The following CDK12 variants were observed in gnomAD, a reference collection of about 807,000 sequenced individuals.
CDK12 encodes the protein cyclin dependent kinase 12, also known as cyclin-dependent kinase 12.
In CDK12, 17 loss-of-function variants were observed where a neutral mutation model predicts 133.8. That is an observed-to-expected ratio of 0.13 (90% confidence interval 0.09 to 0.19). The LOEUF (loss-of-function observed/expected upper bound fraction) is 0.19, where lower values mean the gene tolerates loss of function less well. Ranked by LOEUF, CDK12 falls within the 10% of genes least tolerant of loss-of-function variation. CDK12 has a pLI of 1.00. For missense variants in CDK12, 1,508 were observed against 1,818.7 expected, an observed-to-expected ratio of 0.83 and a Z score of 3.11; for synonymous variants, 694 against 683.6, an observed-to-expected ratio of 1.02 and a Z score of -0.24.
At chr17:39,499,357 C>T (rs1187412743) in intron 5 of CDK12, among the ~76,000 whole-genome samples, 7 of 148,522 alleles carry the variant, frequency 4.7e-5, no homozygotes, top group South Asian at 2.1e-4. Context: ...TACAGGTGCA[C>T]GCCACCACGT....
chr17:39,470,348 G>C (rs531985507), intron 1 of CDK12, among the ~76,000 whole-genome samples: 10 of 151,816 alleles, frequency 6.6e-5, no homozygotes, highest in Non-Finnish European at 1.3e-4. Context: ...GTCTCGATCT[G>C]CTGACCTGGT....
downstream of CDK12, among the ~76,000 whole-genome samples, chr17:39,566,026 T>G (rs2056562894): frequency 6.6e-6 from 1 of 152,196 alleles, no homozygotes; most frequent in South Asian, 2.1e-4. Context: ...CTCCTTACTC[T>G]CCTGTGATCC....
intron 2 of CDK12, among the ~76,000 whole-genome samples, chr17:39,474,609 C>A (rs1048436207): frequency 1.6e-4 from 24 of 152,226 alleles, no homozygotes; most frequent in Admixed American, 9.8e-4. Context: ...ACCACCACTC[C>A]CGGCCAATAT....
rs34077108 is a variant in CDK12 at position 39,479,308 on chromosome 17, G to GAA, written c.1931+7565_1931+7566dup. 5.3e-3 allele frequency among the ~76,000 whole-genome samples: 534 copies of GAA among 100,188 alleles called. 3 individuals are homozygous for GAA. The highest frequency in any genetic ancestry group is 8.0e-3 in the Admixed American group (62 of 7,798). 65.7% of individuals were successfully genotyped at this position (100,188 alleles called of 152,430 possible). ...GGGCGACAAGAGCGAGACTCCGTCT[G>GAA]AAAAAAAAAAAAAAAAAAAAATCTA... On this transcript the variant is annotated intron_variant, in intron 2 of 13. Coordinates refer to ENST00000447079, the MANE Select transcript of CDK12 (RefSeq NM_016507.4).
intron 5 of CDK12, among the ~76,000 whole-genome samples, chr17:39,500,936 A>G (rs745877060): frequency 2.0e-5 from 3 of 151,506 alleles, no homozygotes; most frequent in Admixed American, 1.3e-4. Context: ...TTCATTCACC[A>G]TGTTGGACAG....
rs777845846 is a variant in CDK12 at position 39,532,395 on chromosome 17, G to A, written c.*1079G>A. 2.0e-4 allele frequency: 47 copies of A among 232,920 alleles called. No homozygotes were observed. Among genetic ancestry groups the A allele is most frequent in the South Asian group, 3.6e-4 (2 of 5,520 alleles). The allele number at this position is 232,920 out of a possible 1,614,324, so 14.4% of individuals were successfully genotyped here. A position where few individuals can be genotyped will look rare whatever the true frequency, so the allele number is the denominator to read the frequency against. On this transcript the variant is annotated 3_prime_UTR_variant, in exon 14 of 14. Coordinates refer to ENST00000447079, the MANE Select transcript of CDK12 (RefSeq NM_016507.4). ...TTGCTGCTGAGCTGTGGTTAGAGATGATGCCTCCATTCCTAGAGGGCTAAT... is the reference window on the plus strand; with the variant it reads ...TTGCTGCTGAGCTGTGGTTAGAGATAATGCCTCCATTCCTAGAGGGCTAAT...
rs753511772 is a variant in CDK12, at chr17:39,471,481, C to G, written c.1649C>G (p.Pro550Arg). The G allele has an allele frequency of 6.2e-7, 1 of 1,613,856 alleles. No homozygotes were observed. The change falls in exon 2 of 14, where the codon CCT becomes CGT. Residue 550 changes from proline (P) to arginine (R), a missense_variant. This residue lies in a region of CDK12 where 347 missense variants were observed against 330.8 expected (regional missense o/e 1.05). Coordinates refer to ENST00000447079, the MANE Select transcript of CDK12 (RefSeq NM_016507.4). Reference protein sequence around the residue: ...PTTTPPPQTPPLPPLPPIPAL... With the variant: ...PTTTPPPQTPRLPPLPPIPAL... ...ACTACCCCTCCACCTCAGACACCCCCTTTGCCACCTTTGCCTCCAATACCA... is the reference window on the plus strand; with the variant it reads ...ACTACCCCTCCACCTCAGACACCCCGTTTGCCACCTTTGCCTCCAATACCA...
At chr17:39,559,340 C>T (rs992618368) in intron 3 of CDK12, among the ~76,000 whole-genome samples, 2 of 152,134 alleles carry the variant, frequency 1.3e-5, no homozygotes, top group African/African-American at 4.8e-5. Flanking sequence ...TCTAGTTTTA[C>T]GTGTTCTCAT....
At chr17:39,481,631 GCGCTCTCTCTCTCTCTCTCT>G (rs2050669168) in intron 2 of CDK12, among the ~76,000 whole-genome samples, 6 of 34,276 alleles carry the variant, frequency 1.8e-4, no homozygotes, top group African/African-American at 3.8e-4. Context: ...GCTCGCTCGC[GCGCTCTCTCTCTCTCTCTCT>G]CTCTCTCTCT....
chr17:39,481,325 T>TTC, intron 2 of CDK12, among the ~76,000 whole-genome samples: 1 of 150,840 alleles, frequency 6.6e-6, no homozygotes, highest in African/African-American at 2.4e-5. Flanking sequence ...CTTTTCTTCT[T>TTC]TCTCTTTTTT....
At chr17:39,490,407 A>G in intron 2 of CDK12, 150 bp from the exon 3 acceptor site, 1 of 533,604 alleles carries the variant, frequency 1.9e-6, no homozygotes. Flanking sequence ...AGTTGTGATT[A>G]ATTATTTTTT....
At chr17:39,538,905 A>ATACATACATACATACG (rs1398484583), downstream of CDK12, among the ~76,000 whole-genome samples, 44 of 84,736 alleles carry the variant, frequency 5.2e-4, no homozygotes, top group African/African-American at 2.2e-3. Context: ...TCTCAAATAA[A>ATACATACATACATACG]TACATACATA....
intron 2 of CDK12, among the ~76,000 whole-genome samples, chr17:39,484,700 C>T (rs919230134): frequency 9.2e-5 from 14 of 152,070 alleles, no homozygotes; most frequent in Non-Finnish European, 1.8e-4. Flanking sequence ...ATTTTTCATA[C>T]ATGTTCAATA....
At chr17:39,558,562 T>G (rs1015868978) in intron 3 of CDK12, among the ~76,000 whole-genome samples, 57 of 152,212 alleles carry the variant, frequency 3.7e-4, no homozygotes, top group African/African-American at 1.3e-3. Flanking sequence ...CATCCCCTAT[T>G]TTGAATCATT....
chr17:39,517,406 C>T (rs1166017780), intron 9 of CDK12, 34 bp from the exon 10 acceptor site: 15 of 1,178,810 alleles, frequency 1.3e-5, no homozygotes, highest in Non-Finnish European at 1.8e-5. Context: ...TTGACTCACT[C>T]ACTCCATTGT....
At chr17:39,495,171 C>T (rs978420628) in intron 5 of CDK12, among the ~76,000 whole-genome samples, 34 of 152,022 alleles carry the variant, frequency 2.2e-4, no homozygotes, top group Admixed American at 1.2e-3. Context: ...CTCTGCCTCT[C>T]GGGTTTAAGT....
intron 2 of CDK12, among the ~76,000 whole-genome samples, chr17:39,472,827 G>A (rs796658261): frequency 3.2e-4 from 48 of 152,258 alleles, no homozygotes; most frequent in African/African-American, 1.1e-3. Flanking sequence ...TGTAATCCCA[G>A]CACTTTGGGA....
downstream of CDK12, among the ~76,000 whole-genome samples, chr17:39,565,152 C>T (rs569881908): frequency 2.2e-4 from 34 of 152,274 alleles, 1 homozygote; most frequent in South Asian, 4.2e-4. Flanking sequence ...CTCGCTCTGT[C>T]GCCCAGGCTG....
intron 13 of CDK12, among the ~76,000 whole-genome samples, chr17:39,527,582 C>T (rs2054568740): frequency 6.6e-6 from 1 of 152,210 alleles, no homozygotes; most frequent in African/African-American, 2.4e-5. Flanking sequence ...GAGTCTTACT[C>T]CATTGCCCAG....
Sources: gnomAD v4.1 joint callset for allele counts (sites outside exome capture counted in the v4.1 genomes callset) on GRCh38, gnomAD v4.1.1 for gene constraint, gnomAD v4.1.1 regional missense constraint, MANE v1.5 for transcripts, NCBI Gene and HGNC (gene_info 2026-07-23, HGNC 2026-07-21) for gene names.